TSPAN15: variants seen among roughly 807,000 people sequenced by gnomAD.
TSPAN15 encodes the protein tetraspanin 15.
Under a neutral mutation model 34.5 loss-of-function variants are expected in TSPAN15, and 20 were observed. The observed-to-expected ratio is 0.58, with a 90% CI of 0.41 to 0.84. The LOEUF is 0.84. Ranked by LOEUF, TSPAN15 falls within the 40% of genes least tolerant of loss-of-function variation. The probability of loss-of-function intolerance (pLI) is 0.00; values close to 1 mark genes in which losing one functional copy is unlikely to be tolerated. For synonymous variants in TSPAN15, 155 were observed against 153.9 expected (o/e 1.01, Z -0.05); for missense variants, 313 against 386.1 (o/e 0.81, Z 1.59).
intron 5 of TSPAN15, among the ~76,000 whole-genome samples, chr10:69,503,698 G>C (rs1177828928): frequency 6.6e-6 from 1 of 152,166 alleles, no homozygotes; most frequent in Admixed American, 6.5e-5. Context: ...GCGGGGCTGG[G>C]GGGGACGGTC....
chr10:69,526,827 C>A, the TSPAN15 span, among the ~76,000 whole-genome samples: 1 of 138,178 alleles, frequency 7.2e-6, no homozygotes, highest in Non-Finnish European at 1.5e-5. Context: ...TTATAGCAAG[C>A]ATTGGTGAGA....
At chr10:69,518,016 C>CA in the TSPAN15 span, among the ~76,000 whole-genome samples, 4 of 152,228 alleles carry the variant, frequency 2.6e-5, no homozygotes, top group African/African-American at 9.6e-5. Flanking sequence ...ACACACAACT[C>CA]AGAGTACACC....
At chr10:69,541,996 C>T in the TSPAN15 span, among the ~76,000 whole-genome samples, 1 of 152,232 alleles carries the variant, frequency 6.6e-6, no homozygotes, top group Admixed American at 6.5e-5. Flanking sequence ...CTGCAATGGG[C>T]TTGAATTTCC....
At chr10:69,456,168 G>T (rs1449023671) in intron 1 of TSPAN15, among the ~76,000 whole-genome samples, 1 of 151,374 alleles carries the variant, frequency 6.6e-6, no homozygotes, top group Non-Finnish European at 1.5e-5. Context: ...GCTCACTGCA[G>T]CCTCTGCCTT....
chr10:69,514,531 G>T, the TSPAN15 span, among the ~76,000 whole-genome samples: 1 of 152,066 alleles, frequency 6.6e-6, no homozygotes, highest in Non-Finnish European at 1.5e-5. Flanking sequence ...TTTCTTTAAT[G>T]GATATAAGAC....
intron 5 of TSPAN15, among the ~76,000 whole-genome samples, chr10:69,500,424 G>C (rs1309283414): frequency 6.6e-6 from 1 of 152,238 alleles, no homozygotes; most frequent in Non-Finnish European, 1.5e-5. Context: ...AGAGGAAAGA[G>C]AGGGATTGAT....
At chr10:69,472,556 T>C (rs1449021979) in intron 1 of TSPAN15, among the ~76,000 whole-genome samples, 2 of 152,160 alleles carry the variant, frequency 1.3e-5, no homozygotes, top group Non-Finnish European at 2.9e-5. Flanking sequence ...GCTTAGTGTA[T>C]GTGGAATCAG....
intron 3 of TSPAN15, among the ~76,000 whole-genome samples, chr10:69,494,318 T>TAA (rs1395359847): frequency 6.6e-6 from 1 of 152,202 alleles, no homozygotes; most frequent in East Asian, 1.9e-4. Context: ...TTGTCTCCTT[T>TAA]AAAAACAGAC....
At chr10:69,548,503 G>C in the TSPAN15 span, among the ~76,000 whole-genome samples, 1 of 152,228 alleles carries the variant, frequency 6.6e-6, no homozygotes, top group Non-Finnish European at 1.5e-5. Context: ...TGTGATCCTT[G>C]AGAGAATGGA....
intron 5 of TSPAN15, among the ~76,000 whole-genome samples, chr10:69,503,700 G>A (rs191491374): frequency 2.3e-4 from 35 of 152,264 alleles, no homozygotes; most frequent in African/African-American, 8.2e-4. Context: ...GGGGCTGGGG[G>A]GGACGGTCAT....
At chr10:69,499,811 G>C (rs1266869315) in intron 5 of TSPAN15, among the ~76,000 whole-genome samples, 1 of 152,180 alleles carries the variant, frequency 6.6e-6, no homozygotes, top group Non-Finnish European at 1.5e-5. Context: ...TCTGGGGGAG[G>C]GGCATTCCTG....
At chr10:69,456,903 T>C (rs190606849) in intron 1 of TSPAN15, among the ~76,000 whole-genome samples, 18 of 152,168 alleles carry the variant, frequency 1.2e-4, no homozygotes, top group Non-Finnish European at 2.2e-4. Flanking sequence ...TGCAAAAGGG[T>C]GTGTTTGAGG....
At chr10:69,500,809 A>G (rs990015126) in intron 5 of TSPAN15, among the ~76,000 whole-genome samples, 1 of 152,118 alleles carries the variant, frequency 6.6e-6, no homozygotes, top group East Asian at 1.9e-4. Context: ...TGGGTATCCC[A>G]TGGCCTGGTC....
chr10:69,481,379 CAT>C (rs1166564663), intron 1 of TSPAN15, among the ~76,000 whole-genome samples: 1 of 152,222 alleles, frequency 6.6e-6, no homozygotes, highest in Non-Finnish European at 1.5e-5. Flanking sequence ...AGCCTTGAAA[CAT>C]AGCAGAGTAC....
the TSPAN15 span, among the ~76,000 whole-genome samples, chr10:69,531,306 A>G: frequency 1.3e-5 from 2 of 149,852 alleles, no homozygotes; most frequent in Non-Finnish European, 3.0e-5. Context: ...ATCTTATTCA[A>G]AAGTATTATA....
chr10:69,458,274 G>A (rs985103629), intron 1 of TSPAN15, among the ~76,000 whole-genome samples: 4 of 152,070 alleles, frequency 2.6e-5, no homozygotes, highest in South Asian at 2.1e-4. Flanking sequence ...TTTTACTTTC[G>A]AGAAGAGCTT....
intron 3 of TSPAN15, 76 bp from the exon 4 acceptor site, chr10:69,495,518 C>A: frequency 9.1e-7 from 1 of 1,101,354 alleles, no homozygotes; most frequent in Non-Finnish European, 1.4e-6. Flanking sequence ...TCTACCCATC[C>A]AGGCTTCTGG....
intron 3 of TSPAN15, among the ~76,000 whole-genome samples, chr10:69,492,735 C>G (rs1213319195): frequency 1.3e-5 from 2 of 152,232 alleles, no homozygotes; most frequent in South Asian, 2.1e-4. Flanking sequence ...ACAGAGCAGC[C>G]TCTACTCTGC....
At chr10:69,512,467 T>G (rs1261367126), downstream of TSPAN15, among the ~76,000 whole-genome samples, 1 of 152,238 alleles carries the variant, frequency 6.6e-6, no homozygotes, top group Non-Finnish European at 1.5e-5. Context: ...TAAAATAAAC[T>G]GCGTGTATTT....
Sources: allele counts gnomAD v4.1 joint callset (sites outside exome capture counted in the v4.1 genomes callset), GRCh38; gene constraint gnomAD v4.1.1; transcripts MANE v1.5; gene names NCBI Gene and HGNC (gene_info 2026-07-23, HGNC 2026-07-21).